Variants in SGCD observed in about 807,000 individuals in gnomAD.
SGCD encodes delta-sarcoglycan.
Under a neutral mutation model 36.6 loss-of-function variants are expected in SGCD, and 18 were observed. The observed-to-expected ratio is 0.49, with a 90% confidence interval of 0.34 to 0.73. The LOEUF is 0.73. Ranked by LOEUF, SGCD falls within the 30% of genes least tolerant of loss-of-function variation. SGCD has a pLI of 0.01. For missense variants in SGCD, 387 were observed against 346.7 expected (o/e 1.12, Z -0.92); for synonymous variants, 133 against 130.6 (o/e 1.02, Z -0.12).
At chr5:156,560,100 T>C (rs977612580) in intron 4 of SGCD, among the ~76,000 whole-genome samples, 4 of 152,220 alleles carry the variant, frequency 2.6e-5, no homozygotes, top group Admixed American at 2.6e-4. Flanking sequence ...TTGTTTTATT[T>C]ATGGTTAGCT....
chr5:156,694,748 T>C (rs1378926182), intron 7 of SGCD, among the ~76,000 whole-genome samples: 1 of 152,176 alleles, frequency 6.6e-6, no homozygotes, highest in African/African-American at 2.4e-5. Context: ...TGAAGATTGA[T>C]ATGATACATT....
chr5:156,159,854 A>G (rs1361829013), intron 3 of SGCD, among the ~76,000 whole-genome samples: 3 of 151,620 alleles, frequency 2.0e-5, no homozygotes, highest in South Asian at 2.1e-4. Flanking sequence ...TTTAATGGCT[A>G]CATGAGAATA....
chr5:156,724,136 CTG>C (rs959353001), intron 7 of SGCD, among the ~76,000 whole-genome samples: 6 of 152,264 alleles, frequency 3.9e-5, no homozygotes, highest in Admixed American at 2.0e-4. Flanking sequence ...AGCACGAAGA[CTG>C]TAGAAATCTC....
chr5:155,806,597 T>G, the SGCD span, among the ~76,000 whole-genome samples: 2 of 152,226 alleles, frequency 1.3e-5, no homozygotes, highest in Non-Finnish European at 2.9e-5. Flanking sequence ...AATATAATTT[T>G]AATCTTCATT....
In SGCD at chr5:156,767,389, A is replaced by T. The variant is rs1244822645; in HGVS notation, c.*7999A>T. On this transcript the variant is annotated 3_prime_UTR_variant, in exon 9 of 9. Coordinates refer to ENST00000337851, the MANE Select transcript of SGCD (RefSeq NM_000337.6). The stretch of plus-strand genomic sequence containing the variant: ...AAGGAAAAGGCAGAGGCTATCCATC[A>T]TTATGCTGGCTAGATGCGCTTCTGA... 1.3e-5 allele frequency: 2 copies of T among 149,162 alleles called. No individual in the cohort carries two copies. The highest frequency in any genetic ancestry group is 4.1e-4 in the East Asian group (2 of 4,862). 9.2% of individuals were successfully genotyped at this position (149,162 alleles called of 1,614,324 possible).
intron 1 of SGCD, among the ~76,000 whole-genome samples, chr5:155,920,125 A>T (rs945997301): frequency 6.6e-6 from 1 of 152,216 alleles, no homozygotes; most frequent in Non-Finnish European, 1.5e-5. Context: ...TAGCCACCTC[A>T]GCAATGAAAT....
At chr5:156,570,784 T>G (rs187440517) in intron 4 of SGCD, among the ~76,000 whole-genome samples, 242 of 152,278 alleles carry the variant, frequency 1.6e-3, no homozygotes, top group African/African-American at 5.5e-3. Context: ...TCTTTCCTGA[T>G]CCTTTCCTTC....
At chr5:156,118,246 C>T (rs1194651026) in intron 2 of SGCD, among the ~76,000 whole-genome samples, 1 of 152,008 alleles carries the variant, frequency 6.6e-6, no homozygotes, top group East Asian at 1.9e-4. Flanking sequence ...TGTGTTGGTG[C>T]ACTGGCATGC....
intron 3 of SGCD, among the ~76,000 whole-genome samples, chr5:156,148,582 A>G (rs1348887820): frequency 6.6e-6 from 1 of 152,094 alleles, no homozygotes; most frequent in Non-Finnish European, 1.5e-5. Flanking sequence ...TTTTGTGGGT[A>G]AGTTCCTGAA....
intron 5 of SGCD, among the ~76,000 whole-genome samples, chr5:156,592,366 G>A (rs1760758790): frequency 6.6e-6 from 1 of 151,996 alleles, no homozygotes; most frequent in South Asian, 2.1e-4. Flanking sequence ...TAACCCTAAA[G>A]CACTGACAAT....
At chr5:155,958,938 A>T (rs1757726083) in intron 1 of SGCD, among the ~76,000 whole-genome samples, 1 of 152,100 alleles carries the variant, frequency 6.6e-6, no homozygotes, top group Non-Finnish European at 1.5e-5. Flanking sequence ...AAAACTCTTC[A>T]CATAATCCCA....
chr5:156,498,935 C>CCTGTGTGTGTGTGTGT (rs149269957), intron 3 of SGCD, among the ~76,000 whole-genome samples: 82 of 149,448 alleles, frequency 5.5e-4, no homozygotes, highest in East Asian at 1.2e-3. Flanking sequence ...ATGTGTGCTA[C>CCTGTGTGTGTGTGTGT]GTGTGTGTGT....
At chr5:156,734,344 A>ATGAT (rs1030077909) in intron 7 of SGCD, among the ~76,000 whole-genome samples, 3 of 149,844 alleles carry the variant, frequency 2.0e-5, no homozygotes, top group African/African-American at 7.4e-5. Context: ...GTAGAATCTG[A>ATGAT]TGATTATGTG....
chr5:155,972,158 G>A (rs889530990), intron 1 of SGCD, among the ~76,000 whole-genome samples: 5 of 152,084 alleles, frequency 3.3e-5, no homozygotes, highest in African/African-American at 1.2e-4. Flanking sequence ...ATATTTTCTG[G>A]CCATTTCTAA....
At chr5:156,475,218 T>C (rs1408933890) in intron 3 of SGCD, among the ~76,000 whole-genome samples, 1 of 152,190 alleles carries the variant, frequency 6.6e-6, no homozygotes, top group Non-Finnish European at 1.5e-5. Flanking sequence ...CATTATTTTT[T>C]ATCCATTACA....
At chr5:155,891,391 G>A (rs1756125947) in intron 1 of SGCD, among the ~76,000 whole-genome samples, 1 of 151,984 alleles carries the variant, frequency 6.6e-6, no homozygotes, top group South Asian at 2.1e-4. Flanking sequence ...CCTCAGTTTT[G>A]CCATTCGTAA....
At chr5:156,570,167 T>C (rs1002020353) in intron 4 of SGCD, among the ~76,000 whole-genome samples, 1 of 152,200 alleles carries the variant, frequency 6.6e-6, no homozygotes, top group Admixed American at 6.5e-5. Context: ...TCTTTTTAAT[T>C]TGATTTATAA....
At chr5:156,712,109 C>T (rs965660190) in intron 7 of SGCD, among the ~76,000 whole-genome samples, 1 of 152,152 alleles carries the variant, frequency 6.6e-6, no homozygotes, top group Non-Finnish European at 1.5e-5. Flanking sequence ...TTTACTGCAA[C>T]CTGTTTTATT....
intron 7 of SGCD, among the ~76,000 whole-genome samples, chr5:156,652,041 G>T (rs1423364355): frequency 1.3e-5 from 2 of 151,970 alleles, no homozygotes; most frequent in Non-Finnish European, 2.9e-5. Context: ...GTGTGGGGTT[G>T]CTTTCTTGAT....
Sources: allele counts gnomAD v4.1 joint callset (sites outside exome capture counted in the v4.1 genomes callset), GRCh38; gene constraint gnomAD v4.1.1; transcripts MANE v1.5; gene names NCBI Gene and HGNC (gene_info 2026-07-23, HGNC 2026-07-21).